The following PTGER1 variants were observed in gnomAD, a reference collection of about 807,000 sequenced individuals.
The protein encoded by PTGER1 is prostaglandin E receptor 1.
A neutral mutation model predicts 18.5 loss-of-function variants in PTGER1; 15 were observed. That is an observed-to-expected ratio of 0.81 (90% CI 0.54 to 1.25). The LOEUF is 1.25. Ranked by LOEUF, PTGER1 falls within the 50% of genes most tolerant of loss-of-function variation. The probability of loss-of-function intolerance (pLI) is 0.00; values close to 1 mark genes in which losing one functional copy is unlikely to be tolerated. For missense variants in PTGER1, 567 were observed against 603.4 expected, an observed-to-expected ratio of 0.94 and a Z score of 0.63; for synonymous variants, 339 against 308.4, an observed-to-expected ratio of 1.10 and a Z score of -1.04.
In PTGER1 at chr19:14,473,434, A is replaced by C. The variant is rs1325609624; in HGVS notation, c.887T>G (p.Val296Gly). ...CACCATGATACCGACAAGCTGGCCC[A>C]CCATCTCCACGTCGTGGGCGCGAGC... Reference protein sequence around the residue: ...RRARAHDVEMVGQLVGIMVVS... With the variant: ...RRARAHDVEMGGQLVGIMVVS... Residue 296 changes from valine (V) to glycine (G), a missense_variant, in exon 2 of 3, where the codon GTG (valine) becomes GGG (glycine). Val to Gly is a moderately radical substitution (Grantham distance 109). Coordinates refer to ENST00000292513, the MANE Select transcript of PTGER1 (RefSeq NM_000955.3). The surrounding 1 kb of genome is among the most constrained non-coding windows in gnomAD (Gnocchi z 7.1). 2 of 1,597,592 alleles carry C rather than the reference A, an allele frequency of 1.3e-6. No homozygotes were observed. The highest frequency in any genetic ancestry group is 3.4e-5 in the Admixed American group (2 of 58,736).
rs747647409 is a variant in PTGER1 at position 14,474,266 on chromosome 19, C to T, written c.55G>A (p.Ala19Thr). The change falls in exon 2 of 3, where the codon GCG becomes ACG. Residue 19 changes from alanine (A) to threonine (T), a missense_variant. Ala to Thr is a moderately conservative substitution (Grantham distance 58). Coordinates refer to ENST00000292513, the MANE Select transcript of PTGER1 (RefSeq NM_000955.3). This position sits in a 1 kb window ranked among gnomAD's most constrained non-coding sequence, Gnocchi z 5.4. ...GACGTGTTGGGGACCCAGGGCGCCGCGCATGTGGTCGCCTCGCCCGCCAGG... is the reference window on the plus strand; with the variant it reads ...GACGTGTTGGGGACCCAGGGCGCCGTGCATGTGGTCGCCTCGCCCGCCAGG... ...LSLAGEATTC[A>T]APWVPNTSAV... 1.7e-4 allele frequency: 262 copies of T among 1,530,912 alleles called. No homozygotes were observed. The highest frequency in any genetic ancestry group is 1.9e-4 in the Non-Finnish European group (214 of 1,144,862). 94.8% of individuals were successfully genotyped at this position (1,530,912 alleles called of 1,614,324 possible).
chr19:14,473,088 T>G lies in PTGER1; in HGVS notation c.943-262A>C, dbSNP rs1056259423. On this transcript the variant is annotated intron_variant, in intron 2 of 2. Transcript: ENST00000292513. The surrounding 1 kb of genome is among the most constrained non-coding windows in gnomAD (Gnocchi z 7.1). ...AAGCAAGGGGGTTGGGTGAAAGGAC[T>G]AGGGAATGAAGCGCGGCGACTTATA... Among the ~76,000 whole-genome samples the G allele has an allele frequency of 2.7e-5, 4 of 150,806 alleles. No individual in the cohort carries two copies. The highest frequency in any genetic ancestry group is 9.8e-5 in the African/African-American group (4 of 40,778).
Position 14,472,617 on chromosome 19 carries a change from G to A in PTGER1, c.1152C>T (p.Ser384=), listed in dbSNP as rs2071575819. ...GGPAGLGLTP[S]AWEASSLRSS... ...TGCGCAGCGAGCTGGCCTCCCAGGC[G>A]CTCGGTGTTAGGCCCAGCCCCGCGG... Residue 384 remains serine, a synonymous_variant, in exon 3 of 3, where the codon AGC becomes AGT. Coordinates refer to ENST00000292513, the MANE Select transcript of PTGER1 (RefSeq NM_000955.3). 3.7e-6 allele frequency: 6 copies of A among 1,601,856 alleles called. No homozygotes were observed. The highest frequency in any genetic ancestry group is 5.1e-6 in the Non-Finnish European group (6 of 1,175,632).
chr19:14,472,819 A>C lies in PTGER1; in HGVS notation c.950T>G (p.Val317Gly). ...GCTCCAGCCGCCGACGGCCAGCGCCACCAACACCTGCGGGGGAAGCCGGTG... is the reference window on the plus strand; with the variant it reads ...GCTCCAGCCGCCGACGGCCAGCGCCCCCAACACCTGCGGGGGAAGCCGGTG... ...CICWSPMLVL[V>G]ALAVGGWSST... is the part of the protein sequence containing the mutation. The change falls in exon 3 of 3, where the codon GTG (valine) becomes GGG (glycine). Residue 317 changes from valine (V) to glycine (G), a missense_variant. Transcript: ENST00000292513. The C allele has an allele frequency of 3.2e-6, 5 of 1,552,182 alleles. No individual in the cohort carries two copies. The South Asian group carries it at 3.5e-5, about 11-fold the overall frequency.
Position 14,474,594 on chromosome 19 carries a change from C to G in PTGER1, c.-17-257G>C, listed in dbSNP as rs2071597028. ...CTAACCCCACTGGCCCTTTCTCTGC[C>G]CTTCATGGTTTCCTGCAAGATTCCC... On this transcript the variant is annotated intron_variant, in intron 1 of 2. Transcript: ENST00000292513. This position sits in a 1 kb window ranked among gnomAD's most constrained non-coding sequence, Gnocchi z 5.4. Among the ~76,000 whole-genome samples, 1 of 152,052 alleles carries G rather than the reference C, an allele frequency of 6.6e-6. No homozygotes were observed. The highest frequency in any genetic ancestry group is 1.5e-5 in the Non-Finnish European group (1 of 68,014).
In PTGER1 at chr19:14,475,346, T is replaced by TCCTC. The variant is rs1409696581; in HGVS notation, c.-106_-103dup. ...CGCCCTGGCTCTCCGGCAAGCCGCT[T>TCCTC]CCTCCCTCCCTCTTCCTGGGGCGGC... is the stretch of plus-strand genomic sequence containing the variant. On this transcript the variant is annotated 5_prime_UTR_variant, in exon 1 of 3. Coordinates refer to ENST00000292513, the MANE Select transcript of PTGER1 (RefSeq NM_000955.3). The TCCTC allele has an allele frequency of 6.6e-6, 1 of 152,384 alleles. No homozygotes were observed. 9.4% of individuals were successfully genotyped at this position (152,384 alleles called of 1,614,324 possible).
rs1331834783 is a variant in PTGER1 at position 14,474,489 on chromosome 19, T to A, written c.-17-152A>T. ...GGCAGTTGCCATGGGCAACTCCAAATGACCTGGCCACTCCATTTGGAAACC... is the reference window on the plus strand; with the variant it reads ...GGCAGTTGCCATGGGCAACTCCAAAAGACCTGGCCACTCCATTTGGAAACC... On this transcript the variant is annotated intron_variant, in intron 1 of 2. Transcript: ENST00000292513. The surrounding 1 kb of genome is among the most constrained non-coding windows in gnomAD (Gnocchi z 5.4). 1.3e-5 allele frequency among the ~76,000 whole-genome samples: 2 copies of A among 151,984 alleles called. No individual in the cohort carries two copies. The highest frequency in any genetic ancestry group is 4.8e-5 in the African/African-American group (2 of 41,388).
Position 14,473,346 on chromosome 19 carries a change from G to T in PTGER1, c.942+33C>A. The T allele has an allele frequency of 6.4e-7, 1 of 1,556,284 alleles. No homozygotes were observed. On this transcript the variant is annotated intron_variant, in intron 2 of 2. Transcript: ENST00000292513. The surrounding 1 kb of genome is among the most constrained non-coding windows in gnomAD (Gnocchi z 7.1). ...GAGGGTGCCGAGAGGGAGCGGGAAG[G>T]AGCGTGGCTCGAGGGGCCGGTGCGC...
Position 14,472,813 on chromosome 19 carries a change from A to C in PTGER1, c.956T>G (p.Leu319Arg). The change falls in exon 3 of 3, where the codon CTG (leucine) becomes CGG (arginine). Residue 319 changes from leucine (L) to arginine (R), a missense_variant. Coordinates refer to ENST00000292513, the MANE Select transcript of PTGER1 (RefSeq NM_000955.3). ...CWSPMLVLVA[L>R]AVGGWSSTSL... Reference sequence around the variant, plus strand: ...GGTAGAGCTCCAGCCGCCGACGGCCAGCGCCACCAACACCTGCGGGGGAAG... The same window carrying C: ...GGTAGAGCTCCAGCCGCCGACGGCCCGCGCCACCAACACCTGCGGGGGAAG... 1 of 1,554,074 alleles carries C rather than the reference A, an allele frequency of 6.4e-7. No individual in the cohort carries two copies.
At position 14,474,835 on chromosome 19, in the gene PTGER1, G is replaced by A. The variant is rs2071598261; in HGVS notation, c.-18+427C>T. 6.6e-6 allele frequency among the ~76,000 whole-genome samples: 1 copy of A among 151,936 alleles called. No individual in the cohort carries two copies. The highest frequency in any genetic ancestry group is 2.1e-4 in the South Asian group (1 of 4,820). On this transcript the variant is annotated intron_variant, in intron 1 of 2. Coordinates refer to ENST00000292513, the MANE Select transcript of PTGER1 (RefSeq NM_000955.3). The surrounding 1 kb of genome is among the most constrained non-coding windows in gnomAD (Gnocchi z 5.4). ...CCACCACGGGCACATCTCTCCCCAC[G>A]GCCATGTCCCTGTCCCCCATGGACC...
In PTGER1 at chr19:14,474,284, C is replaced by A; in HGVS notation, c.37G>T (p.Gly13Cys). The change falls in exon 2 of 3, where the codon GGC becomes TGC. Residue 13 changes from glycine (G) to cysteine (C), a missense_variant. Coordinates refer to ENST00000292513, the MANE Select transcript of PTGER1 (RefSeq NM_000955.3). This position sits in a 1 kb window ranked among gnomAD's most constrained non-coding sequence, Gnocchi z 5.4. ...GGCGCCGCGCATGTGGTCGCCTCGC[C>A]CGCCAGGCTCAGGTTGAGGGGCCCG... ...PCGPLNLSLAGEATTCAAPWV... is the reference protein window; with the variant it reads ...PCGPLNLSLACEATTCAAPWV... 1 of 1,531,012 alleles carries A rather than the reference C, an allele frequency of 6.5e-7. No individual in the cohort carries two copies. The highest frequency in any genetic ancestry group is 8.7e-7 in the Non-Finnish European group (1 of 1,144,960). 94.8% of individuals were successfully genotyped at this position (1,531,012 alleles called of 1,614,324 possible).
rs776767100 is a variant in PTGER1 at position 14,472,657 on chromosome 19, C to G, written c.1112G>C (p.Gly371Ala). ...QLLRLLPPRA[G>A]AKGGPAGLGL... is the part of the protein sequence containing the mutation. ...CAGCCCCGCGGGGCCGCCCTTGGCT[C>G]CGGCCCTCGGGGGCAAGAGGCGAAG... The change falls in exon 3 of 3, where the codon GGA becomes GCA. Residue 371 changes from glycine to alanine, a missense_variant. Transcript: ENST00000292513. The G allele has an allele frequency of 2.5e-5, 41 of 1,609,562 alleles. No homozygotes were observed. The East Asian group carries it at 8.3e-4, about 32-fold the overall frequency.
chr19:14,473,967 G>A lies in PTGER1; in HGVS notation c.354C>T (p.Val118=). Residue 118 remains valine, a synonymous_variant, in exon 2 of 3, where the codon GTC becomes GTT. Transcript: ENST00000292513. The surrounding 1 kb of genome is among the most constrained non-coding windows in gnomAD (Gnocchi z 7.1). ...GACHFLGGCM[V]FFGLCPLLLG... ...GCAGCAGCGGGCACAGGCCGAAGAA[G>A]ACCATGCAGCCGCCCAGGAAGTGGC... The A allele has an allele frequency of 6.7e-7, 1 of 1,495,638 alleles. No individual in the cohort carries two copies. 92.6% of individuals were successfully genotyped at this position (1,495,638 alleles called of 1,614,324 possible).
chr19:14,472,897 GGCTGGAAGGTAAAA>G, intron 2 of PTGER1, 71 bp from the exon 3 acceptor site: 2 of 1,443,250 alleles, frequency 1.4e-6, no homozygotes, highest in African/African-American at 2.8e-5. Context: ...GTGGGGGCGT[GGCTGGAAGGTAAAA>G]GCCTGGGAGG....
rs1460308974 is a variant in PTGER1 at position 14,474,298 on chromosome 19, T to C, written c.23A>G (p.Asn8Ser). Residue 8 changes from asparagine to serine, a missense_variant, in exon 2 of 3, where the codon AAC becomes AGC. Coordinates refer to ENST00000292513, the MANE Select transcript of PTGER1 (RefSeq NM_000955.3). This position sits in a 1 kb window ranked among gnomAD's most constrained non-coding sequence, Gnocchi z 5.4. MSPCGPLNLSLAGEATTC... is the reference protein window; with the variant it reads MSPCGPLSLSLAGEATTC... ...GGTCGCCTCGCCCGCCAGGCTCAGG[T>C]TGAGGGGCCCGCAAGGGCTCATGTC... 2.0e-6 allele frequency: 3 copies of C among 1,529,466 alleles called. No homozygotes were observed. Among genetic ancestry groups the C allele is most frequent in the African/African-American group, 1.4e-5 (1 of 72,284 alleles). The allele number at this position is 1,529,466 out of a possible 1,614,324, so 94.7% of individuals were successfully genotyped here. A position where few individuals can be genotyped will look rare whatever the true frequency, so the allele number is the denominator to read the frequency against.
In PTGER1 at chr19:14,474,213, G is replaced by A; in HGVS notation, c.108C>T (p.Pro36=). Residue 36 remains proline, a synonymous_variant, in exon 2 of 3, where the codon CCC becomes CCT. Coordinates refer to ENST00000292513, the MANE Select transcript of PTGER1 (RefSeq NM_000955.3). The surrounding 1 kb of genome is among the most constrained non-coding windows in gnomAD (Gnocchi z 5.4). ...TSAVPPSGAS[P]ALPIFSMTLG... ...GCGTCATGGAGAAGATGGGCAGCGC[G>A]GGCGAAGCGCCCGACGGCGGCACGG... 3 of 1,525,720 alleles carry A rather than the reference G, an allele frequency of 2.0e-6. No individual in the cohort carries two copies. Among genetic ancestry groups the A allele is most frequent in the South Asian group, 1.2e-5 (1 of 83,564 alleles). 94.5% of individuals were successfully genotyped at this position (1,525,720 alleles called of 1,614,324 possible). A position where few individuals can be genotyped will look rare whatever the true frequency, so the allele number is the denominator to read the frequency against.
At position 14,473,395 on chromosome 19, in the gene PTGER1, C is replaced by T. The variant is rs1295530541; in HGVS notation, c.926G>A (p.Cys309Tyr). 11 of 1,591,918 alleles carry T rather than the reference C, an allele frequency of 6.9e-6. No homozygotes were observed. The East Asian group carries it at 2.3e-4, about 33-fold the overall frequency. The stretch of plus-strand genomic sequence containing the variant: ...GCCCCTCACCAGCATTGGGCTCCAG[C>T]AGATGCACGACACCACCATGATACC... ...LVGIMVVSCI[C>Y]WSPMLVLVAL... The change falls in exon 2 of 3, where the codon TGC becomes TAC. Residue 309 changes from cysteine to tyrosine, a missense_variant. Coordinates refer to ENST00000292513, the MANE Select transcript of PTGER1 (RefSeq NM_000955.3). The surrounding 1 kb of genome is among the most constrained non-coding windows in gnomAD (Gnocchi z 7.1).
chr19:14,473,465 G>C lies in PTGER1; in HGVS notation c.856C>G (p.Arg286Gly). The change falls in exon 2 of 3, where the codon CGC (arginine) becomes GGC (glycine). Residue 286 changes from arginine to glycine, a missense_variant. Arg to Gly is a moderately radical substitution (Grantham distance 125). Coordinates refer to ENST00000292513, the MANE Select transcript of PTGER1 (RefSeq NM_000955.3). The surrounding 1 kb of genome is among the most constrained non-coding windows in gnomAD (Gnocchi z 7.1). ...FGGSRSSGSA[R>G]RARAHDVEMV... ...TCCACGTCGTGGGCGCGAGCTCTGCGTGCCGAGCCGCTGCTCCGAGAGCCG... is the reference window on the plus strand; with the variant it reads ...TCCACGTCGTGGGCGCGAGCTCTGCCTGCCGAGCCGCTGCTCCGAGAGCCG... 1.3e-6 allele frequency: 2 copies of C among 1,585,446 alleles called. No homozygotes were observed. Among genetic ancestry groups the C allele is most frequent in the South Asian group, 1.1e-5 (1 of 88,152 alleles).
Position 14,472,848 on chromosome 19 carries a change from G to A in PTGER1, c.943-22C>T, listed in dbSNP as rs1280035954. On this transcript the variant is annotated intron_variant, in intron 2 of 2. Coordinates refer to ENST00000292513, the MANE Select transcript of PTGER1 (RefSeq NM_000955.3). ...ACACCTGCGGGGGAAGCCGGTGTGA[G>A]CTATAGAGCAGGCGCGGGCGCAGGG... 3.9e-6 allele frequency: 6 copies of A among 1,537,400 alleles called. No individual in the cohort carries two copies. The East Asian group carries it at 1.5e-4, about 38-fold the overall frequency.
Sources: gnomAD v4.1 joint callset for allele counts (sites outside exome capture counted in the v4.1 genomes callset) on GRCh38, gnomAD v4.1.1 for gene constraint, Gnocchi (gnomAD v3.1) non-coding constraint, MANE v1.5 for transcripts, NCBI Gene and HGNC (gene_info 2026-07-23, HGNC 2026-07-21) for gene names.